RABGEF1: variants seen among roughly 807,000 people sequenced by gnomAD.
The protein encoded by RABGEF1 is RAB guanine nucleotide exchange factor 1.
A neutral mutation model predicts 57.3 loss-of-function variants in RABGEF1; 26 were observed. The observed-to-expected ratio is 0.45, with a 90% CI of 0.33 to 0.63. RABGEF1 has a LOEUF of 0.63. RABGEF1 is among the 20% of genes least tolerant of loss of function. The pLI is 0.02. For synonymous variants in RABGEF1, 185 were observed against 210.7 expected (o/e 0.88, Z 1.06); for missense variants, 464 against 607.6 (o/e 0.76, Z 2.48).
chr7:66,706,348 C>T (rs1273560712), intron 1 of RABGEF1, among the ~76,000 whole-genome samples: 2 of 152,082 alleles, frequency 1.3e-5, no homozygotes, highest in Non-Finnish European at 2.9e-5. Context: ...AATGAAGTGA[C>T]TAGGTCGTAC....
chr7:66,734,032 A>G (rs564429132), intron 2 of RABGEF1, among the ~76,000 whole-genome samples: 3 of 152,304 alleles, frequency 2.0e-5, no homozygotes, highest in African/African-American at 4.8e-5. Flanking sequence ...AAAACCTCCT[A>G]GAGGCAGTCA....
intron 1 of RABGEF1, among the ~76,000 whole-genome samples, chr7:66,753,324 G>A (rs1284209602): frequency 3.3e-5 from 5 of 152,296 alleles, no homozygotes; most frequent in South Asian, 2.1e-4. Flanking sequence ...GTAAAGAACA[G>A]GTGTTGCTGT....
chr7:66,686,944 C>G (rs1359009619), intron 1 of RABGEF1, among the ~76,000 whole-genome samples: 1 of 151,502 alleles, frequency 6.6e-6, no homozygotes, highest in Non-Finnish European at 1.5e-5. Context: ...GCCTCAGCCT[C>G]CCGAGTAGCT....
chr7:66,751,032 C>CT (rs765625657), intron 1 of RABGEF1, among the ~76,000 whole-genome samples: 28,344 of 142,786 alleles, frequency 0.2, 2,903 homozygotes, highest in East Asian at 0.31. Context: ...CTCTTTTTTT[C>CT]TTTTTTTTTT....
Position 66,766,963 on chromosome 7 carries a change from T to G in RABGEF1, c.-17-4920T>G, listed in dbSNP as rs1289440310. ...GTATCTGTGTCTTCTGTTCTGTACTTCTCCCTAATCCAACCTGGAAATTGC... is the reference window on the plus strand; with the variant it reads ...GTATCTGTGTCTTCTGTTCTGTACTGCTCCCTAATCCAACCTGGAAATTGC... On this transcript the variant is annotated intron_variant, in intron 1 of 8. Coordinates refer to ENST00000284957, the MANE Select transcript of RABGEF1 (RefSeq NM_014504.3). Among the ~76,000 whole-genome samples the G allele has an allele frequency of 4.0e-5, 6 of 151,228 alleles. No homozygotes were observed. The East Asian group carries it at 1.2e-3, about 29-fold the overall frequency.
intron 1 of RABGEF1, among the ~76,000 whole-genome samples, chr7:66,688,494 G>A (rs1791043965): frequency 2.6e-5 from 4 of 152,170 alleles, no homozygotes; most frequent in Admixed American, 2.6e-4. Context: ...ATTGTCCAGA[G>A]TATATAGTGT....
intron 7 of RABGEF1, among the ~76,000 whole-genome samples, chr7:66,803,900 A>G (rs147043305): frequency 0.037 from 5,578 of 151,842 alleles, 155 homozygotes; most frequent in East Asian, 0.084. Flanking sequence ...AAAAAAAAAA[A>G]AAAGAAAGAA....
At chr7:66,654,902 A>T in the RABGEF1 span, among the ~76,000 whole-genome samples, 2 of 152,310 alleles carry the variant, frequency 1.3e-5, no homozygotes, top group South Asian at 4.1e-4. Flanking sequence ...CAGCGCCCGG[A>T]CAAGCCCTTG....
chr7:66,708,264 A>G (rs1252037340), intron 1 of RABGEF1, among the ~76,000 whole-genome samples: 1 of 148,946 alleles, frequency 6.7e-6, no homozygotes, highest in Non-Finnish European at 1.5e-5. Flanking sequence ...GTTTATAGCC[A>G]TGTAGTTTGG....
the RABGEF1 span, among the ~76,000 whole-genome samples, chr7:66,662,790 TGTGTGCAGGTGTATGTGTGTAGGTGTGC>T: frequency 6.6e-6 from 1 of 150,842 alleles, no homozygotes; most frequent in South Asian, 2.1e-4. Context: ...TGCACGCATG[TGTGTGCAGGTGTATGTGTGTAGGTGTGC>T]GTGTGCAGGC....
intron 1 of RABGEF1, among the ~76,000 whole-genome samples, chr7:66,771,559 A>C (rs1807142564): frequency 6.6e-6 from 1 of 151,918 alleles, no homozygotes; most frequent in African/African-American, 2.4e-5. Context: ...TTTTCCCCTA[A>C]GTTTTTTTTC....
chr7:66,668,768 C>T, the RABGEF1 span: 1 of 152,330 alleles, frequency 6.6e-6, no homozygotes. Flanking sequence ...TGGAAGATCA[C>T]CTCTTAGGCA....
chr7:66,706,308 T>C (rs1004640141), intron 1 of RABGEF1, among the ~76,000 whole-genome samples: 12 of 152,204 alleles, frequency 7.9e-5, no homozygotes, highest in Non-Finnish European at 1.5e-4. Context: ...TATGAACATA[T>C]ACTTTCATTT....
chr7:66,669,259 C>G, the RABGEF1 span: 1 of 152,460 alleles, frequency 6.6e-6, no homozygotes, highest in African/African-American at 2.4e-5. Flanking sequence ...GGAGAAACCT[C>G]GGCAAAGACA....
chr7:66,702,479 A>T (rs1793443216), intron 1 of RABGEF1, among the ~76,000 whole-genome samples: 1 of 151,158 alleles, frequency 6.6e-6, no homozygotes, highest in Non-Finnish European at 1.5e-5. Flanking sequence ...TCATGTTTTC[A>T]GTTCTCTTGG....
Position 66,767,629 on chromosome 7 carries a change from G to T in RABGEF1, c.-17-4254G>T, listed in dbSNP as rs577116926. ...AGGTGGAGCCTTTGGGAGGTGATTA[G>T]TTCATGAAAGTGGAGACCTCATGAC... is the stretch of plus-strand genomic sequence containing the variant. On this transcript the variant is annotated intron_variant, in intron 1 of 8. Coordinates refer to ENST00000284957, the MANE Select transcript of RABGEF1 (RefSeq NM_014504.3). 3.5e-4 allele frequency among the ~76,000 whole-genome samples: 54 copies of T among 152,216 alleles called. 1 individual carries two copies. In the South Asian group the frequency reaches 8.9e-3, roughly 25 times the overall value.
chr7:66,701,280 C>G (rs1793218964), intron 1 of RABGEF1, among the ~76,000 whole-genome samples: 1 of 152,138 alleles, frequency 6.6e-6, no homozygotes, highest in Admixed American at 6.5e-5. Context: ...AAGAAGATGG[C>G]TTGAGCCCAG....
chr7:66,793,608 A>C (rs1009636819), intron 4 of RABGEF1, among the ~76,000 whole-genome samples: 2 of 152,212 alleles, frequency 1.3e-5, no homozygotes, highest in African/African-American at 4.8e-5. Flanking sequence ...TAAACTACCT[A>C]AAAAGATTGA....
intron 1 of RABGEF1, among the ~76,000 whole-genome samples, chr7:66,763,609 C>T (rs1373042081): frequency 6.6e-6 from 1 of 152,214 alleles, no homozygotes; most frequent in Non-Finnish European, 1.5e-5. Flanking sequence ...AACTTTAGAA[C>T]ATTTTCATCA....
Sources: allele counts gnomAD v4.1 joint callset (sites outside exome capture counted in the v4.1 genomes callset), GRCh38; gene constraint gnomAD v4.1.1; transcripts MANE v1.5; gene names NCBI Gene and HGNC (gene_info 2026-07-23, HGNC 2026-07-21).